The following TEKT1 variants were observed in gnomAD, a reference collection of about 807,000 sequenced individuals.
TEKT1 encodes tektin 1.
Under a neutral mutation model 34.8 loss-of-function variants are expected in TEKT1, and 32 were observed. The observed-to-expected ratio is 0.92, with a 90% confidence interval of 0.69 to 1.23. The LOEUF is 1.23. TEKT1 is among the 50% of genes most tolerant of loss of function. The pLI, the probability that TEKT1 is intolerant of heterozygous loss-of-function variation, is 0.00. For missense variants in TEKT1, 492 were observed against 518.5 expected, an observed-to-expected ratio of 0.95 and a Z score of 0.50; for synonymous variants, 207 against 199.8, an observed-to-expected ratio of 1.04 and a Z score of -0.30.
intron 3 of TEKT1, among the ~76,000 whole-genome samples, chr17:6,818,809 A>G (rs1235339313): frequency 6.6e-6 from 1 of 152,236 alleles, no homozygotes. Flanking sequence ...CAGTAGAACA[A>G]GAAGATAGAA....
At chr17:6,815,736 AC>A in intron 4 of TEKT1, 97 bp downstream of exon 4, 1 of 1,540,290 alleles carries the variant, frequency 6.5e-7, no homozygotes. Flanking sequence ...GGAATGTTGA[AC>A]CCCTTTCTTT....
At chr17:6,831,324 A>T (rs1235644341) in intron 1 of TEKT1, among the ~76,000 whole-genome samples, 2 of 152,156 alleles carry the variant, frequency 1.3e-5, no homozygotes, top group African/African-American at 4.8e-5. Flanking sequence ...CCCTGCTCTT[A>T]GGGGCCTCTG....
chr17:6,811,037 C>T lies in TEKT1; in HGVS notation c.852+1794G>A, dbSNP rs184789934. ...GATTACAGGCGTGAGCCACCACGCC[C>T]GGCCGTGACATCTTATTTTATTGTT... On this transcript the variant is annotated intron_variant, in intron 6 of 7. Coordinates refer to ENST00000338694, the MANE Select transcript of TEKT1 (RefSeq NM_053285.2). The surrounding 1 kb of genome is among the most constrained non-coding windows in gnomAD (Gnocchi z 4.4). Among the ~76,000 whole-genome samples the T allele has an allele frequency of 1.6e-3, 249 of 152,234 alleles. No homozygotes were observed. The highest frequency in any genetic ancestry group is 4.7e-3 in the African/African-American group (196 of 41,552).
chr17:6,829,465 TTCTC>T (rs758898254), intron 2 of TEKT1, among the ~76,000 whole-genome samples: 2 of 151,430 alleles, frequency 1.3e-5, no homozygotes, highest in Admixed American at 6.8e-5. Context: ...TTTCTTTTCT[TTCTC>T]TTTCTTTCTT....
chr17:6,815,072 C>G, intron 5 of TEKT1, 91 bp downstream of exon 5: 2 of 1,504,404 alleles, frequency 1.3e-6, no homozygotes, highest in Non-Finnish European at 1.8e-6. Flanking sequence ...CTTCCAAGCT[C>G]TCAGCCAGCT....
intron 6 of TEKT1, among the ~76,000 whole-genome samples, chr17:6,803,782 G>A (rs575924512): frequency 4.1e-4 from 63 of 152,110 alleles, no homozygotes; most frequent in Non-Finnish European, 7.1e-4. Context: ...ATATGCGGCA[G>A]TATTTCTGAG....
Position 6,830,234 on chromosome 17 carries a change from A to G in TEKT1, c.143T>C (p.Ile48Thr), listed in dbSNP as rs1904534991. ...VAESQRLVDE[I>T]EKTTRKSQSD... The stretch of plus-strand genomic sequence containing the variant: ...TTGAGATTTTCTTGTGGTCTTTTCA[A>G]TTTCATCCACAAGCCTCTGGCTTTC... The change falls in exon 2 of 8, where the codon ATT becomes ACT. Residue 48 changes from isoleucine (I) to threonine (T), a missense_variant. Transcript: ENST00000338694. 2 of 1,611,726 alleles carry G rather than the reference A, an allele frequency of 1.2e-6. No homozygotes were observed. Among genetic ancestry groups the G allele is most frequent in the Non-Finnish European group, 1.7e-6 (2 of 1,179,550 alleles).
intron 2 of TEKT1, among the ~76,000 whole-genome samples, chr17:6,827,005 T>G (rs1467663882): frequency 6.6e-6 from 1 of 152,136 alleles, no homozygotes; most frequent in Non-Finnish European, 1.5e-5. Context: ...AAGATATCAT[T>G]TTTTATATGA....
At position 6,816,324 on chromosome 17, in the gene TEKT1, T is replaced by A. The variant is rs112535571; in HGVS notation, c.357-362A>T. On this transcript the variant is annotated intron_variant, in intron 3 of 7. Coordinates refer to ENST00000338694, the MANE Select transcript of TEKT1 (RefSeq NM_053285.2). ...GTATACATGTGCCACATTGGTTTGCTGCACCCATCAACTCATCATTTATAT... is the reference window on the plus strand; with the variant it reads ...GTATACATGTGCCACATTGGTTTGCAGCACCCATCAACTCATCATTTATAT... Among the ~76,000 whole-genome samples the A allele has an allele frequency of 4.6e-3, 705 of 152,316 alleles. 7 individuals carry two copies. Among genetic ancestry groups the A allele is most frequent in the African/African-American group, 0.016 (648 of 41,568 alleles).
At chr17:6,819,448 C>T in intron 2 of TEKT1, 90 bp from the exon 3 acceptor site, 2 of 1,334,636 alleles carry the variant, frequency 1.5e-6, no homozygotes, top group East Asian at 2.5e-5. Flanking sequence ...TGTAAAACCA[C>T]CTGTGACATG....
chr17:6,812,325 A>C (rs1015439523), intron 6 of TEKT1, among the ~76,000 whole-genome samples: 1 of 151,962 alleles, frequency 6.6e-6, no homozygotes, highest in Admixed American at 6.6e-5. Context: ...TGACTAAAAC[A>C]CCCTCTGAGA....
intron 6 of TEKT1, among the ~76,000 whole-genome samples, chr17:6,803,941 C>T (rs926810006): frequency 3.2e-4 from 49 of 151,818 alleles, no homozygotes; most frequent in African/African-American, 6.3e-4. Context: ...TTGGCAATGC[C>T]AGCCCTTTTT....
intron 5 of TEKT1, among the ~76,000 whole-genome samples, chr17:6,814,656 G>A (rs1976977985): frequency 6.6e-6 from 1 of 152,134 alleles, no homozygotes; most frequent in Non-Finnish European, 1.5e-5. Context: ...GGCTAACTTG[G>A]TGAAACCCCA....
At chr17:6,806,992 T>A (rs1344011789) in intron 6 of TEKT1, among the ~76,000 whole-genome samples, 1 of 152,202 alleles carries the variant, frequency 6.6e-6, no homozygotes, top group Admixed American at 6.5e-5. Flanking sequence ...TTCTCTGTAT[T>A]TCCTGAATTT....
chr17:6,800,688 T>C, intron 7 of TEKT1, 59 bp downstream of exon 7: 5 of 1,550,756 alleles, frequency 3.2e-6, no homozygotes, highest in Non-Finnish European at 4.4e-6. Flanking sequence ...TAGCCTCTGC[T>C]TGATATCCAG....
chr17:6,815,322 A>C lies in TEKT1; in HGVS notation c.486-16T>G. On this transcript the variant is annotated splice_polypyrimidine_tract_variant and intron_variant, in intron 4 of 7. Transcript: ENST00000338694. ...GCGGTTCATCCTGAAGGGAGAAAGT[A>C]AACTGGGTTTCTGCCTCTGGAGTGC... 1 of 1,614,216 alleles carries C rather than the reference A, an allele frequency of 6.2e-7. No individual in the cohort carries two copies. Among genetic ancestry groups the C allele is most frequent in the Non-Finnish European group, 8.5e-7 (1 of 1,180,030 alleles).
At chr17:6,828,831 A>T (rs1008332826) in intron 2 of TEKT1, among the ~76,000 whole-genome samples, 1 of 151,896 alleles carries the variant, frequency 6.6e-6, no homozygotes, top group Non-Finnish European at 1.5e-5. Flanking sequence ...CTTTCCTGAG[A>T]TCTTTGCTAA....
At chr17:6,810,566 T>C (rs892284091) in intron 6 of TEKT1, among the ~76,000 whole-genome samples, 3 of 152,212 alleles carry the variant, frequency 2.0e-5, no homozygotes, top group African/African-American at 7.2e-5. Context: ...TGCTTATTCA[T>C]TTATTATTGC....
intron 6 of TEKT1, among the ~76,000 whole-genome samples, chr17:6,810,073 A>G (rs912213435): frequency 6.6e-6 from 1 of 152,232 alleles, no homozygotes; most frequent in Admixed American, 6.5e-5. Context: ...CCTCTCTTCC[A>G]AAGGGGCTGT....
Sources: allele counts gnomAD v4.1 joint callset (sites outside exome capture counted in the v4.1 genomes callset), GRCh38; gene constraint gnomAD v4.1.1; non-coding constraint Gnocchi (gnomAD v3.1); transcripts MANE v1.5; gene names NCBI Gene and HGNC (gene_info 2026-07-23, HGNC 2026-07-21).